Variants in DAB1 observed in about 807,000 individuals in gnomAD.
The protein encoded by DAB1 is disabled homolog 1.
DAB1 carries 15 observed loss-of-function variants against 64.6 expected under a neutral mutation model. The observed-to-expected ratio is 0.23, with a 90% confidence interval of 0.16 to 0.36. The LOEUF (loss-of-function observed/expected upper bound fraction) is 0.36, where lower values mean the gene tolerates loss of function less well. Among genes scored for constraint, DAB1 ranks in the 10% least tolerant of loss-of-function variants. The pLI is 1.00. For synonymous variants in DAB1, 235 were observed against 251.9 expected (o/e 0.93, Z 0.64); for missense variants, 596 against 706.7 (o/e 0.84, Z 1.78).
At chr1:58,538,241 T>A (rs60614132) in intron 1 of DAB1, among the ~76,000 whole-genome samples, 2,805 of 152,246 alleles carry the variant, frequency 0.018, 55 homozygotes, top group East Asian at 0.12. Flanking sequence ...GTGAAAATAT[T>A]ATTATAAAGG....
intron 6 of DAB1, among the ~76,000 whole-genome samples, chr1:57,686,504 A>G (rs1353014723): frequency 6.6e-6 from 1 of 152,194 alleles, no homozygotes; most frequent in East Asian, 1.9e-4. Context: ...TCCTACTGAA[A>G]CTATTCTAAA....
chr1:57,469,424 T>C (rs1687065651), intron 7 of DAB1, among the ~76,000 whole-genome samples: 1 of 152,094 alleles, frequency 6.6e-6, no homozygotes, highest in African/African-American at 2.4e-5. Flanking sequence ...AGTTGGGACA[T>C]TTCTATCTCA....
At position 58,376,527 on chromosome 1, in the gene DAB1, C is replaced by T. The variant is rs546768206; in HGVS notation, n.258-33124G>A. Among the ~76,000 whole-genome samples the T allele has an allele frequency of 9.9e-4, 143 of 145,174 alleles. 4 individuals are homozygous for T. The highest frequency in any genetic ancestry group is 8.2e-3 in the South Asian group (38 of 4,624). On this transcript the variant is annotated intron_variant and non_coding_transcript_variant, in intron 3 of 20. Transcript: ENST00000485760. ...TTAATCCTGAGTTCTAGTTTGATTG[C>T]ACTGTGGTCTGAGAGATAGTTTGTT...
intron 7 of DAB1, among the ~76,000 whole-genome samples, chr1:57,473,244 G>A (rs1687203829): frequency 6.6e-6 from 1 of 152,216 alleles, no homozygotes; most frequent in Admixed American, 6.5e-5. Flanking sequence ...GATGGGGACA[G>A]TAATAGCTAC....
At chr1:57,187,227 C>T (rs866075806) in intron 2 of DAB1, among the ~76,000 whole-genome samples, 1 of 152,124 alleles carries the variant, frequency 6.6e-6, no homozygotes, top group Non-Finnish European at 1.5e-5. Context: ...CTAGGAAGCT[C>T]GGATCCAAAT....
chr1:58,151,756 A>G (rs2100734093), intron 4 of DAB1, among the ~76,000 whole-genome samples: 1 of 152,326 alleles, frequency 6.6e-6, no homozygotes, highest in South Asian at 2.1e-4. Context: ...AAAGAAGGAA[A>G]TAATTTGCAG....
chr1:57,425,605 G>T (rs1685254673), upstream of DAB1, among the ~76,000 whole-genome samples: 1 of 152,216 alleles, frequency 6.6e-6, no homozygotes, highest in Admixed American at 6.5e-5. Context: ...AACGGAGGCT[G>T]TCATGCATCA....
At chr1:58,048,162 C>T (rs1222782320) in intron 5 of DAB1, 4 of 1,294,462 alleles carry the variant, frequency 3.1e-6, no homozygotes, top group East Asian at 4.6e-5. Flanking sequence ...TCCTGCTAAG[C>T]TTTGTTTCCT....
chr1:57,876,648 C>G (rs2101964390), intron 1 of DAB1: 1 of 152,212 alleles, frequency 6.6e-6, no homozygotes, highest in East Asian at 1.9e-4. Flanking sequence ...CTGACGGTAC[C>G]CTATAATCCC....
At chr1:57,101,042 A>T (rs1362851880) in intron 4 of DAB1, among the ~76,000 whole-genome samples, 2 of 152,164 alleles carry the variant, frequency 1.3e-5, no homozygotes, top group Non-Finnish European at 2.9e-5. Flanking sequence ...TCAGCAGCAC[A>T]GTCAGGATTT....
intron 3 of DAB1, among the ~76,000 whole-genome samples, chr1:58,361,868 T>TCCC (rs1557739883): frequency 6.2e-4 from 66 of 105,846 alleles, no homozygotes; most frequent in African/African-American, 1.3e-3. Context: ...TCCCCCTTTT[T>TCCC]TTTTTTTTTT....
chr1:57,274,736 A>C (rs1385016200), intron 2 of DAB1, among the ~76,000 whole-genome samples: 1 of 152,002 alleles, frequency 6.6e-6, no homozygotes, highest in African/African-American at 2.4e-5. Flanking sequence ...GAGCACCACC[A>C]CGCCTGACTA....
intron 2 of DAB1, among the ~76,000 whole-genome samples, chr1:57,282,467 A>G (rs2100634930): frequency 6.6e-6 from 1 of 152,240 alleles, no homozygotes; most frequent in East Asian, 1.9e-4. Context: ...GGAGGAAAAG[A>G]GCTATGTAGG....
chr1:57,686,157 G>C (rs1445831244), intron 6 of DAB1, among the ~76,000 whole-genome samples: 2 of 152,014 alleles, frequency 1.3e-5, no homozygotes, highest in Non-Finnish European at 2.9e-5. Context: ...TAGAGCACTA[G>C]CTAGATTAAC....
At chr1:57,521,700 G>A (rs991653963) in intron 7 of DAB1, among the ~76,000 whole-genome samples, 3 of 152,202 alleles carry the variant, frequency 2.0e-5, no homozygotes, top group Admixed American at 6.5e-5. Context: ...GTGAACAGGG[G>A]AGGAGAGAGT....
At chr1:57,654,990 AT>A (rs1462951975) in intron 6 of DAB1, among the ~76,000 whole-genome samples, 1 of 152,154 alleles carries the variant, frequency 6.6e-6, no homozygotes, top group African/African-American at 2.4e-5. Context: ...TCCTGGTACC[AT>A]TTATTTCTCA....
chr1:58,410,036 C>T lies in DAB1; in HGVS notation n.258-66633G>A, dbSNP rs75127434. ...CCCACCACCCTCCCACAAAACCTCT[C>T]GTTTTATTAGAATTCCAATCATGCT... On this transcript the variant is annotated intron_variant and non_coding_transcript_variant, in intron 3 of 20. Transcript: ENST00000485760. Among the ~76,000 whole-genome samples, 1,021 of 152,264 alleles carry T rather than the reference C, an allele frequency of 6.7e-3. 13 individuals are homozygous for T. Among genetic ancestry groups the T allele is most frequent in the African/African-American group, 0.024 (982 of 41,546 alleles).
chr1:57,217,569 A>G lies in DAB1; in HGVS notation c.68-72140T>C, dbSNP rs531396295. ...GAAACACATCCCTATCTTTTACACA[A>G]AAAGTCCATGTAAATGGAGCAAGGT... On this transcript the variant is annotated intron_variant, in intron 2 of 14. Transcript: ENST00000371236. Among the ~76,000 whole-genome samples, 6 of 152,252 alleles carry G rather than the reference A, an allele frequency of 3.9e-5. No individual in the cohort carries two copies. The East Asian group carries it at 7.7e-4, about 20-fold the overall frequency.
rs1422442751 is a variant in DAB1, at chr1:58,131,097, A to G, written n.387+19414T>C. Reference sequence around the variant, plus strand: ...CTCCCCATCACTTTCAGGTACACCAATCAGACGTAGATTTGGTCTTTTCAC... The same window carrying G: ...CTCCCCATCACTTTCAGGTACACCAGTCAGACGTAGATTTGGTCTTTTCAC... On this transcript the variant is annotated intron_variant and non_coding_transcript_variant, in intron 5 of 20. Transcript: ENST00000485760. 1.4e-4 allele frequency among the ~76,000 whole-genome samples: 20 copies of G among 142,544 alleles called. No homozygotes were observed. The East Asian group carries it at 1.5e-3, about 11-fold the overall frequency. The allele number at this position is 142,544 out of a possible 152,430, so 93.5% of individuals were successfully genotyped here. A position where few individuals can be genotyped will look rare whatever the true frequency, so the allele number is the denominator to read the frequency against.
Sources: gnomAD v4.1 joint callset for allele counts (sites outside exome capture counted in the v4.1 genomes callset) on GRCh38, gnomAD v4.1.1 for gene constraint, MANE v1.5 for transcripts, NCBI Gene and HGNC (gene_info 2026-07-23, HGNC 2026-07-21) for gene names.